Variants in ZDHHC9 observed in about 807,000 individuals in gnomAD.
The protein encoded by ZDHHC9 is zDHHC palmitoyltransferase 9.
Under a neutral mutation model 26.6 loss-of-function variants are expected in ZDHHC9, and 3 were observed. The observed-to-expected ratio is 0.11, with a 90% confidence interval of 0.05 to 0.29. ZDHHC9 has a LOEUF of 0.29. ZDHHC9 is among the 10% of genes least tolerant of loss of function. The probability of loss-of-function intolerance (pLI) is 1.00; values close to 1 mark genes in which losing one functional copy is unlikely to be tolerated. For missense variants in ZDHHC9, 146 were observed against 296.4 expected (o/e 0.49, Z 3.73); for synonymous variants, 111 against 109.4 (o/e 1.01, Z -0.09).
chrX:129,834,871 C>T (rs1928223169), intron 3 of ZDHHC9, among the ~76,000 whole-genome samples: 1 of 112,048 alleles, frequency 8.9e-6, no homozygotes, highest in Admixed American at 9.5e-5. Flanking sequence ...AAGGTACCTC[C>T]TTTGTTCTTA....
At chrX:129,826,731 A>G (rs1928024096) in intron 4 of ZDHHC9, among the ~76,000 whole-genome samples, 1 of 111,815 alleles carries the variant, frequency 8.9e-6, no homozygotes, top group African/African-American at 3.3e-5. Flanking sequence ...GTGCCAGCAC[A>G]CGTCGCCTCT....
intron 4 of ZDHHC9, among the ~76,000 whole-genome samples, chrX:129,826,431 C>T (rs745708380): frequency 9.0e-6 from 1 of 111,381 alleles, no homozygotes; most frequent in South Asian, 3.8e-4. Flanking sequence ...GAAAAATGTA[C>T]TCTTCTAGTG....
chrX:129,827,847 C>A (rs1335662660), intron 4 of ZDHHC9, among the ~76,000 whole-genome samples: 1 of 111,742 alleles, frequency 8.9e-6, no homozygotes, highest in African/African-American at 3.3e-5. Flanking sequence ...GATGGACTCT[C>A]GCTCTGTTGC....
At chrX:129,842,902 T>C (rs1386892814) in intron 2 of ZDHHC9, among the ~76,000 whole-genome samples, 1 of 112,269 alleles carries the variant, frequency 8.9e-6, no homozygotes, top group Non-Finnish European at 1.9e-5. Flanking sequence ...GGGTGGGGAA[T>C]GGCAGCAGCT....
chrX:129,810,983 A>G lies in ZDHHC9; in HGVS notation c.900T>C (p.Gly300=), dbSNP rs1556004503. 6.6e-6 allele frequency: 8 copies of G among 1,209,692 alleles called. No individual in the cohort carries two copies. The highest frequency in any genetic ancestry group is 8.9e-6 in the Non-Finnish European group (8 of 894,493). ...TTCCACTTTCCTCCAGTGGCAAAATACCCCTTCGATCCAGCACACTGAAGG... is the reference window on the plus strand; with the variant it reads ...TTCCACTTTCCTCCAGTGGCAAAATGCCCCTTCGATCCAGCACACTGAAGG... ...PLPPSVLDRR[G]ILPLEESGSR... The change falls in exon 10 of 11, where the codon GGT becomes GGC. Residue 300 remains glycine, a synonymous_variant. Coordinates refer to ENST00000357166, the MANE Select transcript of ZDHHC9 (RefSeq NM_016032.4).
chrX:129,813,821 C>T lies in ZDHHC9; in HGVS notation c.626-96G>A. 3 of 810,361 alleles carry T rather than the reference C, an allele frequency of 3.7e-6. No individual in the cohort carries two copies. The South Asian group carries it at 6.5e-5, about 17-fold the overall frequency. 66.8% of individuals were successfully genotyped at this position (810,361 alleles called of 1,213,427 possible). ...CCTACTCACTTCCTTCCCTCCCTCT[C>T]CCGTGTTACACACTGGCAAGAGCTA... On this transcript the variant is annotated intron_variant, in intron 6 of 10. Transcript: ENST00000357166.
At chrX:129,827,531 C>G (rs1448331257) in intron 4 of ZDHHC9, among the ~76,000 whole-genome samples, 3 of 110,597 alleles carry the variant, frequency 2.7e-5, no homozygotes, top group African/African-American at 9.9e-5. Flanking sequence ...GCTCCCACTC[C>G]CTCCTAGTAC....
At chrX:129,839,105 G>A (rs1928322253) in intron 3 of ZDHHC9, among the ~76,000 whole-genome samples, 1 of 111,990 alleles carries the variant, frequency 8.9e-6, no homozygotes, top group African/African-American at 3.2e-5. Flanking sequence ...AGGATGTGGA[G>A]TCTCTACTCC....
At chrX:129,820,014 A>T (rs182123804) in intron 5 of ZDHHC9, among the ~76,000 whole-genome samples, 37 of 111,073 alleles carry the variant, frequency 3.3e-4, no homozygotes, top group Admixed American at 3.9e-4. Flanking sequence ...TTATTTGGCT[A>T]CTCATCTATT....
chrX:129,821,101 T>A (rs747948257), intron 5 of ZDHHC9, among the ~76,000 whole-genome samples: 2 of 111,633 alleles, frequency 1.8e-5, no homozygotes, highest in Non-Finnish European at 3.8e-5. Context: ...TACCATCTCA[T>A]GCCAGTCAGA....
At chrX:129,840,646 G>A (rs1298174084) in intron 3 of ZDHHC9, among the ~76,000 whole-genome samples, 1 of 111,103 alleles carries the variant, frequency 9.0e-6, no homozygotes, top group Non-Finnish European at 1.9e-5. Flanking sequence ...GAGTTCCTCT[G>A]ACCTTACTTT....
In ZDHHC9 at chrX:129,823,796, G is replaced by T. The variant is rs752915154; in HGVS notation, c.370C>A (p.Pro124Thr). Residue 124 changes from proline to threonine, a missense_variant, in exon 5 of 11, where the codon CCT becomes ACT. Transcript: ENST00000357166. ...GAVPQGQRPP[P>T]RIKNFQINNQ... ...TTTATCTGGAAATTCTTGATACGAGGCGGTGGTCGCTGGCCCTGGGGCACC... is the reference window on the plus strand; with the variant it reads ...TTTATCTGGAAATTCTTGATACGAGTCGGTGGTCGCTGGCCCTGGGGCACC... The T allele has an allele frequency of 8.3e-7, 1 of 1,211,363 alleles. No homozygotes were observed. The highest frequency in any genetic ancestry group is 1.1e-6 in the Non-Finnish European group (1 of 895,287).
Position 129,841,986 on chromosome X carries a change from G to C in ZDHHC9, c.-41C>G. 8.3e-7 allele frequency: 1 copy of C among 1,206,252 alleles called. No homozygotes were observed. The highest frequency in any genetic ancestry group is 1.1e-6 in the Non-Finnish European group (1 of 890,761). ...TCCAAAATGGGTTTTGCGATTACAC[G>C]AGAGAAGAAACAGAGGCTGAGCCCA... On this transcript the variant is annotated 5_prime_UTR_variant, in exon 3 of 11. Transcript: ENST00000357166.
At chrX:129,807,231 G>A (rs1927537669) in intron 10 of ZDHHC9, among the ~76,000 whole-genome samples, 1 of 109,141 alleles carries the variant, frequency 9.2e-6, no homozygotes, top group Non-Finnish European at 1.9e-5. Flanking sequence ...TGGATCATGA[G>A]GTCAGGAGAT....
chrX:129,821,871 G>A (rs1021036275), intron 5 of ZDHHC9, among the ~76,000 whole-genome samples: 3 of 110,413 alleles, frequency 2.7e-5, no homozygotes, highest in African/African-American at 3.3e-5. Flanking sequence ...GCAGTGAGCC[G>A]AGATCATGCC....
intron 10 of ZDHHC9, among the ~76,000 whole-genome samples, chrX:129,810,293 C>T (rs1927609417): frequency 9.2e-6 from 1 of 108,949 alleles, no homozygotes; most frequent in Admixed American, 9.8e-5. Context: ...TTGCAATGAG[C>T]CGAGATCACA....
chrX:129,825,252 G>A (rs978070932), intron 4 of ZDHHC9, among the ~76,000 whole-genome samples: 5 of 111,056 alleles, frequency 4.5e-5, no homozygotes, highest in African/African-American at 6.6e-5. Context: ...GTGACAGAGC[G>A]AGCAAGACTC....
intron 3 of ZDHHC9, among the ~76,000 whole-genome samples, chrX:129,838,672 A>C (rs909564604): frequency 2.8e-5 from 3 of 106,349 alleles, no homozygotes; most frequent in Non-Finnish European, 5.7e-5. Context: ...TGTCTCAAAA[A>C]ATAAATAAAA....
At chrX:129,839,400 C>T (rs1928330687) in intron 3 of ZDHHC9, among the ~76,000 whole-genome samples, 1 of 109,885 alleles carries the variant, frequency 9.1e-6, no homozygotes, top group African/African-American at 3.3e-5. Flanking sequence ...TTAGTAGAGA[C>T]GGGGGTTTTA....
Sources: gnomAD v4.1 joint callset for allele counts (sites outside exome capture counted in the v4.1 genomes callset) on GRCh38, gnomAD v4.1.1 for gene constraint, MANE v1.5 for transcripts, NCBI Gene and HGNC (gene_info 2026-07-23, HGNC 2026-07-21) for gene names.